Variants in NALCN observed in about 807,000 individuals in gnomAD.
The protein encoded by NALCN is sodium leak channel NALCN.
NALCN carries 111 observed loss-of-function variants against 225.3 expected under a neutral mutation model. The ratio of observed to expected loss-of-function variants is 0.49; its 90% CI spans 0.42 to 0.58. The LOEUF is 0.58. NALCN is among the 20% of genes least tolerant of loss of function. NALCN has a pLI of 0.00. For missense variants in NALCN, 1,378 were observed against 2,202.4 expected, an observed-to-expected ratio of 0.63 and a Z score of 7.49; for synonymous variants, 764 against 769.0, an observed-to-expected ratio of 0.99 and a Z score of 0.11.
intron 6 of NALCN, among the ~76,000 whole-genome samples, chr13:101,354,153 G>C (rs545813669): frequency 8.5e-5 from 13 of 152,270 alleles, no homozygotes; most frequent in African/African-American, 2.4e-4. Flanking sequence ...AGACCAGCCT[G>C]GCCAACACAG....
At chr13:101,206,930 T>C (rs1481232473) in intron 13 of NALCN, among the ~76,000 whole-genome samples, 2 of 152,188 alleles carry the variant, frequency 1.3e-5, no homozygotes, top group Middle Eastern at 3.4e-3. Context: ...CTAATTAGTC[T>C]ATAAAAATAT....
chr13:101,290,710 C>T (rs568492600), intron 9 of NALCN, among the ~76,000 whole-genome samples: 3 of 152,266 alleles, frequency 2.0e-5, no homozygotes, highest in African/African-American at 7.2e-5. Context: ...TGTTTAATTG[C>T]ATTTTAACAA....
Position 101,104,747 on chromosome 13 carries a change from G to T in NALCN, c.2637-97C>A. 1 of 1,565,460 alleles carries T rather than the reference G, an allele frequency of 6.4e-7. No homozygotes were observed. The highest frequency in any genetic ancestry group is 8.7e-7 in the Non-Finnish European group (1 of 1,146,960). On this transcript the variant is annotated intron_variant, in intron 23 of 43. Coordinates refer to ENST00000251127, the MANE Select transcript of NALCN (RefSeq NM_052867.4). The surrounding 1 kb of genome is among the most constrained non-coding windows in gnomAD (Gnocchi z 4.2). The stretch of plus-strand genomic sequence containing the variant: ...CTTCTGTGGCTCTATCAACATGACT[G>T]GTATTTTAAAAACATCATTCCCCAA...
chr13:101,080,768 ATTT>A (rs967249013), intron 34 of NALCN, among the ~76,000 whole-genome samples: 2 of 123,602 alleles, frequency 1.6e-5, no homozygotes, highest in African/African-American at 5.8e-5. Flanking sequence ...ATTAATTATT[ATTT>A]ATTTAATAAT....
chr13:101,104,635 C>T lies in NALCN; in HGVS notation c.2652G>A (p.Leu884=). The T allele has an allele frequency of 6.2e-7, 1 of 1,613,822 alleles. No homozygotes were observed. The highest frequency in any genetic ancestry group is 8.5e-7 in the Non-Finnish European group (1 of 1,179,856). ...KYHQLYDLLG[L]VTYLDWVMII... Reference sequence around the variant, plus strand: ...TCATGACCCAGTCCAGGTAAGTGACCAATCCCAGCAAATCACTGCCAAAGA... The same window carrying T: ...TCATGACCCAGTCCAGGTAAGTGACTAATCCCAGCAAATCACTGCCAAAGA... The change falls in exon 24 of 44, where the codon TTG becomes TTA. Residue 884 remains leucine, a synonymous_variant. Transcript: ENST00000251127. This position sits in a 1 kb window ranked among gnomAD's most constrained non-coding sequence, Gnocchi z 4.2.
intron 13 of NALCN, among the ~76,000 whole-genome samples, chr13:101,221,081 A>G (rs1055003341): frequency 6.6e-6 from 1 of 152,212 alleles, no homozygotes; most frequent in African/African-American, 2.4e-5. Context: ...TTTTTTAAAA[A>G]TAGAGGCCCA....
chr13:101,155,456 A>G (rs750065221), intron 15 of NALCN, among the ~76,000 whole-genome samples: 10 of 152,008 alleles, frequency 6.6e-5, no homozygotes, highest in East Asian at 3.9e-4. Context: ...GTGTCCCCCA[A>G]TTTTGGGTTG....
At chr13:101,096,655 C>T (rs1230368035) in intron 27 of NALCN, among the ~76,000 whole-genome samples, 1 of 152,110 alleles carries the variant, frequency 6.6e-6, no homozygotes, top group Non-Finnish European at 1.5e-5. Flanking sequence ...GTCGTGTATA[C>T]AACTCTATGA....
chr13:101,185,189 G>A (rs1182623340), intron 14 of NALCN, among the ~76,000 whole-genome samples: 1 of 152,120 alleles, frequency 6.6e-6, no homozygotes, highest in East Asian at 1.9e-4. Flanking sequence ...TGTAAAATGG[G>A]ATACGTTCAA....
intron 17 of NALCN, among the ~76,000 whole-genome samples, chr13:101,137,417 T>A (rs1373153775): frequency 6.6e-6 from 1 of 152,150 alleles, no homozygotes; most frequent in Non-Finnish European, 1.5e-5. Flanking sequence ...AAACATTCAT[T>A]CATCCTGGAA....
chr13:101,348,413 C>A (rs954126657), intron 6 of NALCN, among the ~76,000 whole-genome samples: 7 of 152,104 alleles, frequency 4.6e-5, no homozygotes, highest in Admixed American at 4.6e-4. Context: ...CTGTTATTGA[C>A]AGTTTGAAAG....
intron 13 of NALCN, 107 bp downstream of exon 13, chr13:101,229,282 CAAAA>C (rs2041258503): frequency 1.9e-6 from 2 of 1,063,262 alleles, no homozygotes; most frequent in Admixed American, 5.6e-5. Context: ...CCCAAGTTAT[CAAAA>C]ATAGGATAAT....
chr13:101,111,260 T>C (rs1044931340), intron 18 of NALCN, 34 bp from the exon 19 acceptor site: 6 of 1,549,472 alleles, frequency 3.9e-6, no homozygotes, highest in African/African-American at 1.4e-5. Context: ...GATAAATGCA[T>C]GGTTTGTACA....
At chr13:101,331,027 C>T (rs1474600440) in intron 7 of NALCN, among the ~76,000 whole-genome samples, 1 of 152,136 alleles carries the variant, frequency 6.6e-6, no homozygotes, top group Non-Finnish European at 1.5e-5. Context: ...CATGAGAACA[C>T]ATTAATATAT....
chr13:101,387,227 C>CAAAAAAAAA (rs747159185), intron 3 of NALCN, among the ~76,000 whole-genome samples: 1 of 29,046 alleles, frequency 3.4e-5, no homozygotes, highest in Non-Finnish European at 7.7e-5. Context: ...GACTCCGTCT[C>CAAAAAAAAA]AAAAAAAAAA....
chr13:101,277,226 G>A (rs1249769643), intron 10 of NALCN, among the ~76,000 whole-genome samples: 1 of 151,896 alleles, frequency 6.6e-6, no homozygotes, highest in Non-Finnish European at 1.5e-5. Flanking sequence ...TATAGTAACT[G>A]GATGAGGATA....
intron 7 of NALCN, among the ~76,000 whole-genome samples, chr13:101,339,143 G>C (rs1199491391): frequency 3.9e-5 from 6 of 152,146 alleles, no homozygotes; most frequent in South Asian, 2.1e-4. Context: ...TCAGAAAAGG[G>C]AAGACACATT....
At chr13:101,114,299 A>ATGATTATGAATG (rs1205879965) in intron 18 of NALCN, among the ~76,000 whole-genome samples, 1 of 152,176 alleles carries the variant, frequency 6.6e-6, no homozygotes, top group Non-Finnish European at 1.5e-5. Flanking sequence ...AGAAGTAAAG[A>ATGATTATGAATG]TGATTATGAA....
intron 6 of NALCN, among the ~76,000 whole-genome samples, chr13:101,364,775 T>C (rs1356519886): frequency 1.3e-5 from 2 of 152,158 alleles, no homozygotes; most frequent in African/African-American, 4.8e-5. Context: ...TTTCAGGTGA[T>C]GGATATGCCA....
Sources: allele counts gnomAD v4.1 joint callset (sites outside exome capture counted in the v4.1 genomes callset), GRCh38; gene constraint gnomAD v4.1.1; non-coding constraint Gnocchi (gnomAD v3.1); transcripts MANE v1.5; gene names NCBI Gene and HGNC (gene_info 2026-07-23, HGNC 2026-07-21).